Variants in PMS1 observed in about 807,000 individuals in gnomAD.
The protein encoded by PMS1 is PMS1 homolog 1, mismatch repair system component.
Under a neutral mutation model 93.1 loss-of-function variants are expected in PMS1, and 79 were observed. That is an observed-to-expected ratio of 0.85 (90% CI 0.71 to 1.02). The LOEUF (loss-of-function observed/expected upper bound fraction) is 1.02. PMS1 is among the 50% of genes least tolerant of loss of function. The probability of loss-of-function intolerance (pLI) is 0.00; values close to 1 mark genes in which losing one functional copy is unlikely to be tolerated. For missense variants in PMS1, 1,064 were observed against 1,085.3 expected (o/e 0.98, Z 0.28); for synonymous variants, 335 against 363.4 (o/e 0.92, Z 0.89).
rs5743136 is a variant in PMS1 at position 189,854,197 on chromosome 2, T to C, written c.967-42T>C. 3 of 1,479,094 alleles carry C rather than the reference T, an allele frequency of 2.0e-6. No homozygotes were observed. In the African/African-American group the frequency reaches 4.2e-5, roughly 21 times the overall value. 91.6% of individuals were successfully genotyped at this position (1,479,094 alleles called of 1,614,324 possible). A position where few individuals can be genotyped will look rare whatever the true frequency, so the allele number is the denominator to read the frequency against. ...TTATTATTTAAAATCTTGTCTATTATTTTCATAATTTCCCCTAACATTTGT... is the reference window on the plus strand; with the variant it reads ...TTATTATTTAAAATCTTGTCTATTACTTTCATAATTTCCCCTAACATTTGT... On this transcript the variant is annotated intron_variant, in intron 8 of 12. Coordinates refer to ENST00000441310, the MANE Select transcript of PMS1 (RefSeq NM_000534.5).
intron 11 of PMS1, among the ~76,000 whole-genome samples, chr2:189,872,107 C>T (rs2057201416): frequency 6.6e-6 from 1 of 152,158 alleles, no homozygotes. Context: ...GTAGAGGTCA[C>T]ATTTCAACAT....
intron 12 of PMS1, among the ~76,000 whole-genome samples, chr2:189,875,274 A>G (rs1206653056): frequency 1.3e-5 from 2 of 150,930 alleles, no homozygotes; most frequent in Admixed American, 6.6e-5. Context: ...GCAAAGTACA[A>G]TTGTCCTTGT....
chr2:189,801,858 A>G (rs1306939662), intron 3 of PMS1, among the ~76,000 whole-genome samples: 7 of 152,224 alleles, frequency 4.6e-5, no homozygotes, highest in Admixed American at 4.6e-4. Context: ...GAAAAGTAGT[A>G]TGCATCTGGA....
chr2:189,785,975 AT>A (rs2048304614), intron 1 of PMS1, among the ~76,000 whole-genome samples: 1 of 152,076 alleles, frequency 6.6e-6, no homozygotes, highest in African/African-American at 2.4e-5. Flanking sequence ...AAATACGAAA[AT>A]TAGCCGGGCG....
intron 6 of PMS1, among the ~76,000 whole-genome samples, chr2:189,850,424 A>C (rs577026408): frequency 1.7e-4 from 26 of 152,152 alleles, no homozygotes; most frequent in Non-Finnish European, 1.5e-4. Flanking sequence ...AGTAGGATGA[A>C]ATATTTTACC....
intron 12 of PMS1, among the ~76,000 whole-genome samples, chr2:189,876,763 G>A (rs1179793541): frequency 2.7e-5 from 4 of 147,322 alleles, no homozygotes; most frequent in Non-Finnish European, 6.0e-5. Context: ...ATGCCCCACC[G>A]TGCCCACTTT....
intron 11 of PMS1, among the ~76,000 whole-genome samples, chr2:189,871,527 C>A (rs2057144815): frequency 6.6e-6 from 1 of 152,188 alleles, no homozygotes; most frequent in South Asian, 2.1e-4. Flanking sequence ...TCCTCAATAT[C>A]ATCTGAGACT....
chr2:189,825,271 A>G (rs955177460), intron 5 of PMS1, among the ~76,000 whole-genome samples: 4 of 152,178 alleles, frequency 2.6e-5, no homozygotes, highest in African/African-American at 9.6e-5. Context: ...GCCAAAGGGA[A>G]ATAATTTACA....
At chr2:189,828,105 T>C (rs1048677051) in intron 5 of PMS1, among the ~76,000 whole-genome samples, 3 of 151,116 alleles carry the variant, frequency 2.0e-5, no homozygotes, top group Non-Finnish European at 2.9e-5. Flanking sequence ...TTGTTTTTTT[T>C]AGTAGAGACG....
chr2:189,813,047 A>G (rs994550407), intron 4 of PMS1, among the ~76,000 whole-genome samples: 2 of 152,236 alleles, frequency 1.3e-5, no homozygotes, highest in Non-Finnish European at 2.9e-5. Context: ...AATTTCTACT[A>G]TAAATTTTGT....
intron 3 of PMS1, among the ~76,000 whole-genome samples, chr2:189,799,723 C>G (rs556519712): frequency 6.6e-6 from 1 of 152,298 alleles, no homozygotes; most frequent in South Asian, 2.1e-4. Flanking sequence ...GTGTTGGTGA[C>G]TCACCCCTGA....
chr2:189,794,231 G>T (rs912533317), intron 2 of PMS1, among the ~76,000 whole-genome samples: 4 of 152,116 alleles, frequency 2.6e-5, no homozygotes, highest in Non-Finnish European at 5.9e-5. Flanking sequence ...TCCTGCCTCA[G>T]CCTCCCAAGT....
Position 189,857,619 on chromosome 2 carries a change from C to CTT in PMS1, c.1856+2492_1856+2493insTT, listed in dbSNP as rs1405391054. The CTT allele has an allele frequency of 1.9e-3, 707 of 369,290 alleles. 9 individuals are homozygous for CTT. The Middle Eastern group carries it at 0.056, about 29-fold the overall frequency. 22.9% of individuals were successfully genotyped at this position (369,290 alleles called of 1,614,324 possible). ...TTTTCCTTTCTTCTTCTCTCGATTCCTCCTTTCCCTTCCCTTCTTTCAACT... is the reference window on the plus strand; with the variant it reads ...TTTTCCTTTCTTCTTCTCTCGATTCCTTTCCTTTCCCTTCCCTTCTTTCAACT... On this transcript the variant is annotated intron_variant, in intron 9 of 12. Coordinates refer to ENST00000441310, the MANE Select transcript of PMS1 (RefSeq NM_000534.5).
intron 10 of PMS1, among the ~76,000 whole-genome samples, chr2:189,866,411 G>A (rs1325876966): frequency 6.6e-6 from 1 of 152,078 alleles, no homozygotes; most frequent in Non-Finnish European, 1.5e-5. Context: ...ATTCAAAATA[G>A]TTTTTCCTCC....
intron 4 of PMS1, among the ~76,000 whole-genome samples, chr2:189,814,001 G>C (rs1456972989): frequency 6.6e-6 from 1 of 152,156 alleles, no homozygotes; most frequent in Non-Finnish European, 1.5e-5. Flanking sequence ...ATAGGATCTG[G>C]TATAGATTCT....
intron 8 of PMS1, 40 bp downstream of exon 8, chr2:189,854,122 A>G: frequency 2.8e-6 from 4 of 1,446,978 alleles, no homozygotes; most frequent in Admixed American, 1.8e-5. Flanking sequence ...GCTATTTATA[A>G]ACATATATTA....
chr2:189,799,874 C>T (rs147294624), intron 3 of PMS1, among the ~76,000 whole-genome samples: 1 of 152,322 alleles, frequency 6.6e-6, no homozygotes, highest in African/African-American at 2.4e-5. Flanking sequence ...TGCCCTATGC[C>T]CACTGGTGAT....
chr2:189,788,665 ATATATTTTATGTAATCTAGTG>A (rs749703102), intron 1 of PMS1, among the ~76,000 whole-genome samples: 36 of 152,196 alleles, frequency 2.4e-4, no homozygotes, highest in Admixed American at 1.3e-3. Flanking sequence ...AGTTTTAATA[ATATATTTTATGTAATCTAGTG>A]TATCCAAATA....
intron 6 of PMS1, among the ~76,000 whole-genome samples, chr2:189,850,750 C>T (rs256574): frequency 1.3e-5 from 2 of 152,074 alleles, no homozygotes; most frequent in African/African-American, 4.8e-5. Context: ...GAAACAAATT[C>T]ATTCAGTGAG....
Sources: allele counts gnomAD v4.1 joint callset (sites outside exome capture counted in the v4.1 genomes callset), GRCh38; gene constraint gnomAD v4.1.1; transcripts MANE v1.5; gene names NCBI Gene and HGNC (gene_info 2026-07-23, HGNC 2026-07-21).